Variants in ZFAND3 observed in about 807,000 individuals in gnomAD.
ZFAND3 encodes the protein zinc finger AN1-type containing 3, also known as AN1-type zinc finger protein 3.
A neutral mutation model predicts 29.6 loss-of-function variants in ZFAND3; 10 were observed. The observed-to-expected ratio is 0.34, with a 90% confidence interval of 0.21 to 0.57. ZFAND3 has a LOEUF of 0.57. ZFAND3 is among the 20% of genes least tolerant of loss of function. The pLI, the probability that ZFAND3 is intolerant of heterozygous loss-of-function variation, is 0.86. For synonymous variants in ZFAND3, 128 were observed against 112.6 expected, an observed-to-expected ratio of 1.14 and a Z score of -0.87; for missense variants, 230 against 304.5, an observed-to-expected ratio of 0.76 and a Z score of 1.82.
chr6:38,011,456 C>CTTG (rs1275962224), intron 2 of ZFAND3, among the ~76,000 whole-genome samples: 1 of 152,204 alleles, frequency 6.6e-6, no homozygotes, highest in African/African-American at 2.4e-5. Flanking sequence ...GCTCCATATC[C>CTTG]TTGCCAACAC....
At chr6:37,958,829 A>T in intron 2 of ZFAND3, among the ~76,000 whole-genome samples, 1 of 152,142 alleles carries the variant, frequency 6.6e-6, no homozygotes, top group East Asian at 1.9e-4. Context: ...ATAGACGTGA[A>T]TTCTGGTAAA....
At chr6:37,829,605 C>G (rs369299879) in intron 1 of ZFAND3, among the ~76,000 whole-genome samples, 3 of 152,102 alleles carry the variant, frequency 2.0e-5, no homozygotes, top group African/African-American at 4.8e-5. Flanking sequence ...AAAATACTTG[C>G]ATGTAGAAAC....
intron 2 of ZFAND3, among the ~76,000 whole-genome samples, chr6:37,986,662 G>A (rs941237976): frequency 2.0e-5 from 3 of 151,916 alleles, no homozygotes; most frequent in Admixed American, 6.6e-5. Flanking sequence ...ATTTATTTTC[G>A]CATTTTCGCA....
chr6:38,119,679 C>G (rs958833966), intron 5 of ZFAND3, among the ~76,000 whole-genome samples: 34 of 152,196 alleles, frequency 2.2e-4, no homozygotes, highest in African/African-American at 8.2e-4. Context: ...GAAGAGTGGC[C>G]AAGCTCCCCT....
At chr6:37,962,237 C>T (rs998366207) in intron 2 of ZFAND3, among the ~76,000 whole-genome samples, 5 of 152,218 alleles carry the variant, frequency 3.3e-5, no homozygotes, top group East Asian at 1.9e-4. Context: ...AGTCTTTTAA[C>T]GGCAGAATTG....
intron 5 of ZFAND3, among the ~76,000 whole-genome samples, chr6:38,124,327 G>T (rs933039045): frequency 6.6e-6 from 1 of 152,224 alleles, no homozygotes. Context: ...CCATGCGCCC[G>T]CAATCCTCAG....
intron 3 of ZFAND3, among the ~76,000 whole-genome samples, chr6:38,078,648 C>G (rs1764598246): frequency 6.6e-6 from 1 of 152,184 alleles, no homozygotes; most frequent in African/African-American, 2.4e-5. Context: ...GCCACTGATA[C>G]AGGCTAGAAG....
At position 37,860,682 on chromosome 6, in the gene ZFAND3, A is replaced by T. The variant is rs192436900; in HGVS notation, c.71+40666A>T. 2.5e-3 allele frequency among the ~76,000 whole-genome samples: 363 copies of T among 146,432 alleles called. 1 individual carries two copies. In the South Asian group the frequency reaches 0.028, roughly 11 times the overall value. Reference sequence around the variant, plus strand: ...TAAGTAGGTTTAGATTTTAGTTAACACTATATACCATATATTTACTCTTCT... The same window carrying T: ...TAAGTAGGTTTAGATTTTAGTTAACTCTATATACCATATATTTACTCTTCT... On this transcript the variant is annotated intron_variant, in intron 1 of 5. Transcript: ENST00000287218.
chr6:37,854,312 T>C (rs1232535858), intron 1 of ZFAND3, among the ~76,000 whole-genome samples: 1 of 152,186 alleles, frequency 6.6e-6, no homozygotes, highest in African/African-American at 2.4e-5. Context: ...AAACAACAGA[T>C]AAAACATTTT....
intron 2 of ZFAND3, among the ~76,000 whole-genome samples, chr6:37,948,891 A>G (rs1382081783): frequency 6.6e-6 from 1 of 152,200 alleles, no homozygotes; most frequent in Non-Finnish European, 1.5e-5. Flanking sequence ...TGTCTTTGCT[A>G]TTATGAATAG....
At chr6:37,967,792 T>G (rs566219467) in intron 2 of ZFAND3, among the ~76,000 whole-genome samples, 1 of 152,172 alleles carries the variant, frequency 6.6e-6, no homozygotes, top group Non-Finnish European at 1.5e-5. Flanking sequence ...TTTGACACTA[T>G]TTTCTCCCCT....
intron 2 of ZFAND3, among the ~76,000 whole-genome samples, chr6:37,998,421 GA>G (rs943479387): frequency 6.6e-6 from 1 of 151,638 alleles, no homozygotes; most frequent in African/African-American, 2.4e-5. Context: ...GCAGCACAAA[GA>G]ATGAATTTTA....
chr6:38,067,919 A>G (rs1344768981), intron 3 of ZFAND3, among the ~76,000 whole-genome samples: 1 of 152,144 alleles, frequency 6.6e-6, no homozygotes, highest in Non-Finnish European at 1.5e-5. Context: ...CCACTAGCAT[A>G]TTGAATGGAA....
chr6:37,854,964 GT>G (rs34283914), intron 1 of ZFAND3, among the ~76,000 whole-genome samples: 2,325 of 78,892 alleles, frequency 0.029, 8 homozygotes, highest in African/African-American at 0.056. Context: ...AATAATAGGT[GT>G]TTTTTTTTTT....
intron 2 of ZFAND3, among the ~76,000 whole-genome samples, chr6:38,004,024 T>C (rs1024753430): frequency 6.6e-6 from 1 of 152,188 alleles, no homozygotes; most frequent in African/African-American, 2.4e-5. Flanking sequence ...ATCTTTTATA[T>C]GAAACTGAAG....
chr6:38,086,721 T>C (rs1764765386), intron 4 of ZFAND3, among the ~76,000 whole-genome samples: 1 of 152,216 alleles, frequency 6.6e-6, no homozygotes, highest in Admixed American at 6.5e-5. Context: ...ATTTGGAAGG[T>C]ATTTGGATAT....
At chr6:37,917,215 A>G (rs1172112994) in intron 1 of ZFAND3, among the ~76,000 whole-genome samples, 2 of 152,192 alleles carry the variant, frequency 1.3e-5, no homozygotes, top group African/African-American at 2.4e-5. Context: ...CTCAAGGATA[A>G]TGGGGGACTA....
chr6:37,821,735 A>G (rs955870489), intron 1 of ZFAND3, among the ~76,000 whole-genome samples: 2 of 152,254 alleles, frequency 1.3e-5, no homozygotes, highest in African/African-American at 4.8e-5. Flanking sequence ...TCCTGGCAAC[A>G]CGTTTATGTC....
chr6:38,016,917 C>T (rs1763261813), intron 2 of ZFAND3, among the ~76,000 whole-genome samples: 1 of 152,150 alleles, frequency 6.6e-6, no homozygotes, highest in Non-Finnish European at 1.5e-5. Flanking sequence ...GCGAGGAAAA[C>T]TCTTCCTTAC....
Sources: gnomAD v4.1 joint callset for allele counts (sites outside exome capture counted in the v4.1 genomes callset) on GRCh38, gnomAD v4.1.1 for gene constraint, MANE v1.5 for transcripts, NCBI Gene and HGNC (gene_info 2026-07-23, HGNC 2026-07-21) for gene names.